POLD3: variants seen among roughly 807,000 people sequenced by gnomAD.
POLD3 encodes the protein DNA polymerase delta 3, accessory subunit, also known as DNA polymerase delta subunit 3.
POLD3 carries 19 observed loss-of-function variants against 58.2 expected under a neutral mutation model. That is an observed-to-expected ratio of 0.33 (90% CI 0.23 to 0.48). The LOEUF is 0.48. POLD3 is among the 20% of genes least tolerant of loss of function. POLD3 has a pLI of 0.99. For synonymous variants in POLD3, 172 were observed against 193.5 expected, an observed-to-expected ratio of 0.89 and a Z score of 0.92; for missense variants, 504 against 545.5, an observed-to-expected ratio of 0.92 and a Z score of 0.76.
chr11:74,655,362 A>G (rs1430942990), intron 4 of POLD3, among the ~76,000 whole-genome samples: 2 of 152,284 alleles, frequency 1.3e-5, no homozygotes, highest in Non-Finnish European at 2.9e-5. Flanking sequence ...GTTACTAACA[A>G]AAGCAAAAAC....
intron 7 of POLD3, among the ~76,000 whole-genome samples, chr11:74,620,903 T>C (rs1029222015): frequency 6.7e-6 from 1 of 149,890 alleles, no homozygotes; most frequent in African/African-American, 2.5e-5. Flanking sequence ...AAATTGGTGG[T>C]CACGGGAGGG....
chr11:74,602,597 G>T (rs2031541345), intron 2 of POLD3, among the ~76,000 whole-genome samples: 1 of 126,656 alleles, frequency 7.9e-6, no homozygotes, highest in African/African-American at 3.8e-5. Flanking sequence ...TCTAGGCTGG[G>T]TTATTGCAAT....
chr11:74,613,899 G>A (rs888061008), intron 5 of POLD3, among the ~76,000 whole-genome samples: 3 of 152,176 alleles, frequency 2.0e-5, no homozygotes, highest in Non-Finnish European at 4.4e-5. Flanking sequence ...CTTTTGGATG[G>A]ATAGAGTGAG....
intron 3 of POLD3, 47 bp from the exon 4 acceptor site, chr11:74,611,452 T>C (rs768164631): frequency 8.5e-7 from 1 of 1,179,306 alleles, no homozygotes; most frequent in South Asian, 1.3e-5. Context: ...GAAACTAAAA[T>C]TGCAGATTCT....
At chr11:74,652,678 C>G (rs12282187) in intron 4 of POLD3, 1 of 152,390 alleles carries the variant, frequency 6.6e-6, no homozygotes, top group African/African-American at 2.4e-5. Flanking sequence ...AAGGCAAACT[C>G]TATTGTATTC....
intron 5 of POLD3, among the ~76,000 whole-genome samples, chr11:74,614,071 C>T (rs1332898596): frequency 2.0e-5 from 3 of 152,084 alleles, no homozygotes; most frequent in Non-Finnish European, 2.9e-5. Flanking sequence ...TCTATGGGTG[C>T]AACTTAGAGT....
At chr11:74,635,979 T>G (rs2032737583) in intron 10 of POLD3, among the ~76,000 whole-genome samples, 1 of 152,246 alleles carries the variant, frequency 6.6e-6, no homozygotes, top group Non-Finnish European at 1.5e-5. Flanking sequence ...CATGCTACTT[T>G]CCTTCTTATG....
intron 5 of POLD3, among the ~76,000 whole-genome samples, chr11:74,616,865 C>T (rs1424206053): frequency 6.6e-6 from 1 of 151,984 alleles, no homozygotes; most frequent in Non-Finnish European, 1.5e-5. Context: ...TTGCCATCAC[C>T]ACATAGTTTA....
At chr11:74,646,981 G>A (rs112861540), downstream of POLD3, among the ~76,000 whole-genome samples, 1 of 152,168 alleles carries the variant, frequency 6.6e-6, no homozygotes, top group African/African-American at 2.4e-5. Context: ...AGATGGTTTC[G>A]GGGTGAAACT....
chr11:74,607,287 G>A (rs1035976543), intron 3 of POLD3, among the ~76,000 whole-genome samples: 25 of 144,436 alleles, frequency 1.7e-4, no homozygotes, highest in East Asian at 5.9e-4. Context: ...TTTTGAGACC[G>A]AGTCTTGCTC....
At chr11:74,630,831 A>G (rs914263402) in intron 9 of POLD3, among the ~76,000 whole-genome samples, 5 of 152,230 alleles carry the variant, frequency 3.3e-5, no homozygotes, top group Non-Finnish European at 5.9e-5. Flanking sequence ...AGGAATGACT[A>G]TGGTTGGTTG....
Position 74,642,506 on chromosome 11 carries a change from C to T in POLD3, c.*1740C>T, listed in dbSNP as rs2032939918. On this transcript the variant is annotated 3_prime_UTR_variant, in exon 12 of 12. Transcript: ENST00000263681. Reference sequence around the variant, plus strand: ...TTTTTTCTAAAAATTATGCTGGGGTCTCGACTAAAACTGAATTTGAATTGG... The same window carrying T: ...TTTTTTCTAAAAATTATGCTGGGGTTTCGACTAAAACTGAATTTGAATTGG... 1.0e-6 allele frequency: 1 copy of T among 984,788 alleles called. No homozygotes were observed. The highest frequency in any genetic ancestry group is 1.7e-5 in the African/African-American group (1 of 57,184). 61.0% of individuals were successfully genotyped at this position (984,788 alleles called of 1,614,324 possible). A position where few individuals can be genotyped will look rare whatever the true frequency, so the allele number is the denominator to read the frequency against.
intron 2 of POLD3, among the ~76,000 whole-genome samples, chr11:74,602,592 G>C (rs1465685788): frequency 7.2e-6 from 1 of 138,308 alleles, no homozygotes; most frequent in African/African-American, 3.0e-5. Context: ...TCATCTCTAG[G>C]CTGGGTTATT....
intron 4 of POLD3, among the ~76,000 whole-genome samples, chr11:74,668,398 G>A (rs1161978267): frequency 2.0e-5 from 3 of 152,078 alleles, no homozygotes; most frequent in African/African-American, 2.4e-5. Context: ...AGCCCTAAAA[G>A]GAATGAAATA....
chr11:74,625,200 G>C (rs1565122674), intron 7 of POLD3, among the ~76,000 whole-genome samples: 1 of 152,288 alleles, frequency 6.6e-6, no homozygotes, highest in East Asian at 1.9e-4. Context: ...CCTGGGGGCT[G>C]TGATACAATG....
At chr11:74,619,991 A>G (rs781475394) in intron 6 of POLD3, 26 bp from the exon 7 acceptor site, 3 of 1,600,880 alleles carry the variant, frequency 1.9e-6, no homozygotes, top group South Asian at 2.2e-5. Context: ...CCAGCAAAAA[A>G]TCATATGTGT....
chr11:74,633,151 T>C (rs891333921), intron 9 of POLD3, among the ~76,000 whole-genome samples: 1 of 152,190 alleles, frequency 6.6e-6, no homozygotes, highest in Non-Finnish European at 1.5e-5. Context: ...CAAAATTCCT[T>C]TGGCTTCCTC....
downstream of POLD3, among the ~76,000 whole-genome samples, chr11:74,643,495 G>T (rs910819917): frequency 5.3e-5 from 8 of 152,170 alleles, no homozygotes; most frequent in African/African-American, 1.9e-4. Flanking sequence ...TGAGTGCAAT[G>T]TACAGGGTCC....
At chr11:74,596,476 G>A (rs1240025823) in intron 2 of POLD3, among the ~76,000 whole-genome samples, 3 of 152,130 alleles carry the variant, frequency 2.0e-5, no homozygotes, top group East Asian at 1.9e-4. Flanking sequence ...GTGAGCCATC[G>A]TGCCAAGCCA....
Sources: allele counts gnomAD v4.1 joint callset (sites outside exome capture counted in the v4.1 genomes callset), GRCh38; gene constraint gnomAD v4.1.1; transcripts MANE v1.5; gene names NCBI Gene and HGNC (gene_info 2026-07-23, HGNC 2026-07-21).